DRC3: variants seen among roughly 807,000 people sequenced by gnomAD.
DRC3 encodes the protein dynein regulatory complex subunit 3, also known as leucine rich repeat containing 48.
In DRC3, 45 loss-of-function variants were observed where a neutral mutation model predicts 57.6. The observed-to-expected ratio is 0.78, with a 90% CI of 0.62 to 1.00. The LOEUF (loss-of-function observed/expected upper bound fraction) is 1.00, where lower values mean the gene tolerates loss of function less well. Ranked by LOEUF, DRC3 falls within the 50% of genes least tolerant of loss-of-function variation. The pLI is 0.00. For missense variants in DRC3, 655 were observed against 675.2 expected (o/e 0.97, Z 0.33); for synonymous variants, 257 against 272.3 (o/e 0.94, Z 0.55).
chr17:17,992,840 T>C lies in DRC3; in HGVS notation c.520T>C (p.Tyr174His), dbSNP rs1048084651. Residue 174 changes from tyrosine (Y) to histidine (H), a missense_variant, in exon 6 of 14, where the codon TAC becomes CAC. By Grantham distance (83) the Tyr-to-His change is moderately conservative (BLOSUM62 2). Coordinates refer to ENST00000399187, the MANE Select transcript of DRC3 (RefSeq NM_031294.4). ...SRNPISEAED[Y>H]KMFICAYLPD... is the part of the protein sequence containing the mutation. ...GAACCCTATCTCTGAGGCAGAGGAT[T>C]ACAAGATGTTCATCTGTGCCTACCT... 1.2e-6 allele frequency: 2 copies of C among 1,613,866 alleles called. No homozygotes were observed. Among genetic ancestry groups the C allele is most frequent in the African/African-American group, 2.7e-5 (2 of 74,914 alleles).
At chr17:17,994,448 G>C (rs1346385819) in intron 7 of DRC3, 30 bp downstream of exon 7, 1 of 1,547,898 alleles carries the variant, frequency 6.5e-7, no homozygotes. Context: ...CACGCCCTCG[G>C]CCCCCTCAGA....
intron 5 of DRC3, among the ~76,000 whole-genome samples, chr17:17,989,772 G>T (rs2043141028): frequency 6.6e-6 from 1 of 152,206 alleles, no homozygotes; most frequent in Non-Finnish European, 1.5e-5. Context: ...GACCCCAGGG[G>T]GATTAACTTT....
At chr17:17,973,389 G>A (rs564699635) in intron 1 of DRC3, among the ~76,000 whole-genome samples, 10 of 152,108 alleles carry the variant, frequency 6.6e-5, no homozygotes, top group African/African-American at 2.4e-4. Context: ...ATGTGAATAC[G>A]GCTACTCAAG....
chr17:17,988,015 A>C lies in DRC3; in HGVS notation c.361A>C (p.Ile121Leu), dbSNP rs1375775519. Residue 121 changes from isoleucine to leucine, a missense_variant, in exon 5 of 14, where the codon ATC becomes CTC. Ile to Leu is a conservative substitution (Grantham distance 5). Coordinates refer to ENST00000399187, the MANE Select transcript of DRC3 (RefSeq NM_031294.4). ...GGACCTGAGCTTGTTCAACAACCGG[A>C]TCTCCAAGATCGACTCCCTGGACGC... is the stretch of plus-strand genomic sequence containing the variant. Reference protein sequence around the residue: ...LEDLSLFNNRISKIDSLDALV... With the variant: ...LEDLSLFNNRLSKIDSLDALV... 6.2e-7 allele frequency: 1 copy of C among 1,613,966 alleles called. No individual in the cohort carries two copies. Among genetic ancestry groups the C allele is most frequent in the South Asian group, 1.1e-5 (1 of 91,082 alleles).
chr17:18,011,071 C>T (rs1374635362), intron 12 of DRC3: 1 of 210,006 alleles, frequency 4.8e-6, no homozygotes, highest in South Asian at 6.2e-5. Context: ...GATTCTCCTG[C>T]CTCAGCCTCC....
At chr17:18,014,970 A>G (rs890286787) in intron 12 of DRC3, 6 of 152,168 alleles carry the variant, frequency 3.9e-5, no homozygotes, top group Non-Finnish European at 7.4e-5. Context: ...CTTTTCCCAC[A>G]TGAGATTATG....
At chr17:18,000,770 G>C (rs1228698264) in intron 9 of DRC3, among the ~76,000 whole-genome samples, 1 of 152,158 alleles carries the variant, frequency 6.6e-6, no homozygotes, top group East Asian at 1.9e-4. Flanking sequence ...TCTCTTAAGT[G>C]GGGATGAGCA....
intron 3 of DRC3, among the ~76,000 whole-genome samples, chr17:17,978,560 C>G (rs752915683): frequency 6.6e-6 from 1 of 152,134 alleles, no homozygotes; most frequent in Non-Finnish European, 1.5e-5. Context: ...CTAGGCTGGC[C>G]GGCATCCAGT....
intron 4 of DRC3, among the ~76,000 whole-genome samples, chr17:17,987,173 C>T (rs1173487607): frequency 6.8e-6 from 1 of 146,208 alleles, no homozygotes; most frequent in Non-Finnish European, 1.5e-5. Flanking sequence ...CGTGATTGCG[C>T]CACTGCACTC....
chr17:17,975,803 G>T (rs751956776), intron 2 of DRC3, among the ~76,000 whole-genome samples: 3 of 152,222 alleles, frequency 2.0e-5, no homozygotes, highest in Non-Finnish European at 4.4e-5. Context: ...GGTAGGGGTT[G>T]AAGGGTGTGG....
intron 9 of DRC3, among the ~76,000 whole-genome samples, chr17:18,001,750 G>T (rs990787297): frequency 6.6e-6 from 1 of 152,082 alleles, no homozygotes; most frequent in Non-Finnish European, 1.5e-5. Flanking sequence ...GGGCAACATA[G>T]TAAGACCCCA....
At chr17:17,996,508 A>G (rs955656367) in intron 8 of DRC3, among the ~76,000 whole-genome samples, 1 of 152,178 alleles carries the variant, frequency 6.6e-6, no homozygotes, top group African/African-American at 2.4e-5. Flanking sequence ...ACAGCACAGG[A>G]AAGACTCACC....
At chr17:18,004,840 G>A (rs1568529038) in intron 10 of DRC3, 2 of 224,926 alleles carry the variant, frequency 8.9e-6, no homozygotes, top group Admixed American at 5.3e-5. Context: ...AGACCCCTCC[G>A]CATTGCAGCC....
intron 12 of DRC3, among the ~76,000 whole-genome samples, chr17:18,013,619 A>T (rs80246972): frequency 0.041 from 6,188 of 152,278 alleles, 333 homozygotes; most frequent in East Asian, 0.27. Flanking sequence ...ACAAGAACAG[A>T]GGCTTCTAGA....
intron 2 of DRC3, among the ~76,000 whole-genome samples, chr17:17,975,524 C>CT (rs984286606): frequency 6.1e-5 from 9 of 146,640 alleles, no homozygotes; most frequent in African/African-American, 2.0e-4. Context: ...CACCCCCCCC[C>CT]CAAAAAAAAG....
intron 3 of DRC3, among the ~76,000 whole-genome samples, chr17:17,980,646 G>T (rs977310411): frequency 6.9e-6 from 1 of 144,832 alleles, no homozygotes; most frequent in South Asian, 2.2e-4. Context: ...CCAGGCTAGA[G>T]TGCAGTGGCA....
chr17:17,984,422 A>G (rs2042862897), intron 4 of DRC3, among the ~76,000 whole-genome samples: 1 of 152,126 alleles, frequency 6.6e-6, no homozygotes, highest in Non-Finnish European at 1.5e-5. Flanking sequence ...CATCCCCGTC[A>G]TAGAGATGAG....
chr17:17,983,611 C>CT lies in DRC3; in HGVS notation c.161-214dup, dbSNP rs147910254. ...CTCCACCCTAGTAAACCTATTAGGTCTTTCTGTGGCTCTGGGTGGCAGTAC... is the reference window on the plus strand; with the variant it reads ...CTCCACCCTAGTAAACCTATTAGGTCTTTTCTGTGGCTCTGGGTGGCAGTAC... On this transcript the variant is annotated intron_variant, in intron 3 of 13. Coordinates refer to ENST00000399187, the MANE Select transcript of DRC3 (RefSeq NM_031294.4). 5.3e-3 allele frequency among the ~76,000 whole-genome samples: 808 copies of CT among 152,276 alleles called. 5 individuals carry two copies. Among genetic ancestry groups the CT allele is most frequent in the East Asian group, 0.031 (160 of 5,188 alleles).
At position 17,972,902 on chromosome 17, in the gene DRC3, CG is replaced by C. The variant is rs1165002668; in HGVS notation, c.-199del. The C allele has an allele frequency of 1.3e-5, 2 of 152,820 alleles. No individual in the cohort carries two copies. Among genetic ancestry groups the C allele is most frequent in the African/African-American group, 4.8e-5 (2 of 41,450 alleles). The allele number at this position is 152,820 out of a possible 1,614,324, so 9.5% of individuals were successfully genotyped here. ...TGACTTCCCCTTAGCAACCAAGTCG[CG>C]GCGCTTGGTTCCCCAGCAACCGGGA... On this transcript the variant is annotated 5_prime_UTR_variant, in exon 1 of 14. Coordinates refer to ENST00000399187, the MANE Select transcript of DRC3 (RefSeq NM_031294.4).
Sources: gnomAD v4.1 joint callset for allele counts (sites outside exome capture counted in the v4.1 genomes callset) on GRCh38, gnomAD v4.1.1 for gene constraint, MANE v1.5 for transcripts, NCBI Gene and HGNC (gene_info 2026-07-23, HGNC 2026-07-21) for gene names.